Variants in GYG2 observed in about 807,000 individuals in gnomAD.
GYG2 encodes the protein glycogenin 2, also known as glycogenin-2.
A neutral mutation model predicts 29.4 loss-of-function variants in GYG2; 29 were observed. The ratio of observed to expected loss-of-function variants is 0.99; its 90% CI spans 0.74 to 1.35. The LOEUF is 1.35. Ranked by LOEUF, GYG2 falls within the 40% of genes most tolerant of loss-of-function variation. The pLI, the probability that GYG2 is intolerant of heterozygous loss-of-function variation, is 0.00. For missense variants in GYG2, 370 were observed against 385.7 expected, an observed-to-expected ratio of 0.96 and a Z score of 0.34; for synonymous variants, 167 against 172.3, an observed-to-expected ratio of 0.97 and a Z score of 0.24.
intron 3 of GYG2, among the ~76,000 whole-genome samples, chrX:2,844,139 G>T (rs2087568434): frequency 8.9e-6 from 1 of 112,070 alleles, no homozygotes. Flanking sequence ...AATGGGACGA[G>T]GAGGCATTTA....
At chrX:2,876,008 G>A (rs1176680786) in intron 9 of GYG2, 94 bp downstream of exon 9, 3 of 369,799 alleles carry the variant, frequency 8.1e-6, no homozygotes, top group East Asian at 4.8e-5. Context: ...CAGTGGGGGC[G>A]CCATAGGCTT....
intron 2 of GYG2, among the ~76,000 whole-genome samples, chrX:2,833,075 C>T (rs1319969361): frequency 8.9e-6 from 1 of 111,846 alleles, no homozygotes; most frequent in Non-Finnish European, 1.9e-5. Flanking sequence ...CAAAGTCCCA[C>T]AGACTGGGCG....
At chrX:2,878,205 G>A in intron 10 of GYG2, 3 of 746,665 alleles carry the variant, frequency 4.0e-6, no homozygotes, top group Non-Finnish European at 4.7e-6. Flanking sequence ...GTGAGGTTGG[G>A]TAAGACCTAC....
At chrX:2,868,722 C>T (rs143407450) in intron 8 of GYG2, among the ~76,000 whole-genome samples, 3,164 of 110,278 alleles carry the variant, frequency 0.029, 111 homozygotes, top group African/African-American at 0.099. Flanking sequence ...CTAATGCATG[C>T]GGGGCTTAAA....
At chrX:2,836,577 CAGG>C (rs2087376048) in intron 2 of GYG2, among the ~76,000 whole-genome samples, 1 of 104,992 alleles carries the variant, frequency 9.5e-6, no homozygotes, top group Non-Finnish European at 1.9e-5. Context: ...GAGGCCAAGG[CAGG>C]AGGATAGCTT....
intron 8 of GYG2, among the ~76,000 whole-genome samples, chrX:2,865,372 C>T (rs979679718): frequency 1.5e-4 from 17 of 111,789 alleles, no homozygotes; most frequent in Middle Eastern, 4.7e-3. Flanking sequence ...TAAAACAGCG[C>T]CCGTCATGTT....
Position 2,839,630 on chromosome X carries a change from G to A in GYG2, c.8-3583G>A, listed in dbSNP as rs748442756. On this transcript the variant is annotated intron_variant, in intron 2 of 10. Transcript: ENST00000398806. ...CACAAGCTAGGGAAGGGAGAAAGGGGAGATACTCCTTAATGAGTGCAGGGT... is the reference window on the plus strand; with the variant it reads ...CACAAGCTAGGGAAGGGAGAAAGGGAAGATACTCCTTAATGAGTGCAGGGT... Among the ~76,000 whole-genome samples, 232 of 110,906 alleles carry A rather than the reference G, an allele frequency of 2.1e-3. 1 individual carries two copies. The highest frequency in any genetic ancestry group is 7.3e-3 in the African/African-American group (223 of 30,568).
chrX:2,872,006 A>G (rs1005978643), intron 8 of GYG2, among the ~76,000 whole-genome samples: 1 of 111,707 alleles, frequency 9.0e-6, no homozygotes, highest in Non-Finnish European at 1.9e-5. Flanking sequence ...TCTGCTGTCT[A>G]TCTGTTCCCT....
intron 3 of GYG2, 174 bp from the exon 4 acceptor site, chrX:2,853,806 C>A: frequency 2.3e-6 from 1 of 438,945 alleles, no homozygotes; most frequent in Admixed American, 3.9e-5. Context: ...GTGTGCACAG[C>A]TCTAAGCCAT....
intron 2 of GYG2, among the ~76,000 whole-genome samples, chrX:2,835,436 C>T (rs776760127): frequency 7.2e-5 from 8 of 111,774 alleles, no homozygotes; most frequent in East Asian, 5.6e-4. Context: ...TAGGTAGTTG[C>T]GAGGCCTAGA....
intron 8 of GYG2, among the ~76,000 whole-genome samples, chrX:2,866,072 A>G (rs1294786823): frequency 3.6e-5 from 4 of 112,382 alleles, no homozygotes; most frequent in Admixed American, 1.9e-4. Flanking sequence ...AAAGAAGGAA[A>G]TCCATCATTT....
intron 7 of GYG2, 59 bp from the exon 8 acceptor site, chrX:2,861,463 C>T: frequency 1.0e-6 from 1 of 964,411 alleles, no homozygotes; most frequent in South Asian, 2.0e-5. Flanking sequence ...CCCCCCAGGA[C>T]AGCAGGTGAA....
chrX:2,873,919 A>G (rs893857152), intron 8 of GYG2, among the ~76,000 whole-genome samples: 4 of 109,596 alleles, frequency 3.6e-5, no homozygotes, highest in Non-Finnish European at 7.6e-5. Context: ...GTGAAACCCC[A>G]TCTCTACGAA....
At chrX:2,850,977 G>A (rs1032674202) in intron 3 of GYG2, among the ~76,000 whole-genome samples, 13 of 111,257 alleles carry the variant, frequency 1.2e-4, no homozygotes, top group African/African-American at 3.9e-4. Context: ...GTAAAAAAGG[G>A]AAAATAATAT....
At position 2,864,764 on chromosome X, in the gene GYG2, C is replaced by T. The variant is rs368985512; in HGVS notation, c.1038+3042C>T. On this transcript the variant is annotated intron_variant, in intron 8 of 10. Transcript: ENST00000398806. ...CTTAGAAGCATTCTTCTTTTTCTTT[C>T]TTTTTTTTTTTTTGAGATGGAGTCT... Among the ~76,000 whole-genome samples the T allele has an allele frequency of 1.7e-3, 168 of 96,721 alleles. 4 individuals are homozygous for T. Among genetic ancestry groups the T allele is most frequent in the African/African-American group, 6.0e-3 (139 of 23,005 alleles). The allele number at this position is 96,721 out of a possible 115,157, so 84.0% of individuals were successfully genotyped here.
intron 8 of GYG2, among the ~76,000 whole-genome samples, chrX:2,867,946 G>C (rs1289058446): frequency 9.6e-6 from 1 of 103,725 alleles, no homozygotes; most frequent in African/African-American, 3.5e-5. Flanking sequence ...AAATACAAAA[G>C]TTAGCCAGGC....
chrX:2,867,051 G>A (rs1457345499), intron 8 of GYG2, among the ~76,000 whole-genome samples: 1 of 111,355 alleles, frequency 9.0e-6, no homozygotes, highest in Admixed American at 9.6e-5. Flanking sequence ...CACCCTTGCA[G>A]GTAGAAGCTG....
intron 8 of GYG2, among the ~76,000 whole-genome samples, chrX:2,872,424 T>G (rs1185594043): frequency 1.8e-5 from 2 of 112,378 alleles, no homozygotes; most frequent in African/African-American, 3.2e-5. Context: ...AAAGTTGGTT[T>G]ATGTTTCGGC....
In GYG2 at chrX:2,857,515, G is replaced by C. The variant is rs137881971; in HGVS notation, c.614+891G>C. Among the ~76,000 whole-genome samples the C allele has an allele frequency of 6.7e-3, 726 of 108,764 alleles. 9 individuals carry two copies. The highest frequency in any genetic ancestry group is 0.023 in the African/African-American group (692 of 29,989). 94.4% of individuals were successfully genotyped at this position (108,764 alleles called of 115,157 possible). ...ATCTAGATATCTATGTATATACATG[G>C]ATCTATATATCTCTCTATGTATCTA... On this transcript the variant is annotated intron_variant, in intron 6 of 10. Transcript: ENST00000398806.
Sources: gnomAD v4.1 joint callset for allele counts (sites outside exome capture counted in the v4.1 genomes callset) on GRCh38, gnomAD v4.1.1 for gene constraint, MANE v1.5 for transcripts, NCBI Gene and HGNC (gene_info 2026-07-23, HGNC 2026-07-21) for gene names.